Variants in FRAS1 observed in about 807,000 individuals in gnomAD.
FRAS1 encodes the protein Fraser extracellular matrix complex subunit 1, also known as extracellular matrix organizing protein FRAS1.
A neutral mutation model predicts 435.2 loss-of-function variants in FRAS1; 290 were observed. The observed-to-expected ratio is 0.67, with a 90% CI of 0.61 to 0.73. The LOEUF (loss-of-function observed/expected upper bound fraction) is 0.73, where lower values mean the gene tolerates loss of function less well. FRAS1 is among the 30% of genes least tolerant of loss of function. The probability of loss-of-function intolerance (pLI) is 0.00; values close to 1 mark genes in which losing one functional copy is unlikely to be tolerated. For missense variants in FRAS1, 4,860 were observed against 5,001.5 expected (o/e 0.97, Z 0.85); for synonymous variants, 1,800 against 1,851.0 (o/e 0.97, Z 0.71).
chr4:78,270,904 T>A (rs1192765594), intron 9 of FRAS1, among the ~76,000 whole-genome samples: 2 of 152,170 alleles, frequency 1.3e-5, no homozygotes, highest in Non-Finnish European at 2.9e-5. Flanking sequence ...GAAATTTTGA[T>A]GGACAGTAAT....
At chr4:78,206,252 T>G (rs1186460690) in intron 2 of FRAS1, among the ~76,000 whole-genome samples, 1 of 151,744 alleles carries the variant, frequency 6.6e-6, no homozygotes, top group Non-Finnish European at 1.5e-5. Context: ...GAAGATGATG[T>G]GATGATAGAG....
chr4:78,268,523 C>T (rs1315287140), intron 9 of FRAS1, among the ~76,000 whole-genome samples: 1 of 152,208 alleles, frequency 6.6e-6, no homozygotes, highest in Non-Finnish European at 1.5e-5. Context: ...CTCTGTCGGG[C>T]TGAGGCTGGG....
intron 18 of FRAS1, among the ~76,000 whole-genome samples, chr4:78,322,984 G>C (rs932605725): frequency 2.0e-5 from 3 of 152,202 alleles, no homozygotes; most frequent in African/African-American, 7.2e-5. Flanking sequence ...CATGGATGCT[G>C]GTCTGTGCCC....
At chr4:78,220,253 A>T (rs974963190) in intron 2 of FRAS1, among the ~76,000 whole-genome samples, 1 of 152,240 alleles carries the variant, frequency 6.6e-6, no homozygotes, top group African/African-American at 2.4e-5. Flanking sequence ...GGCCAAATTC[A>T]GTCTATGGCT....
At chr4:78,460,846 G>A (rs1476901287) in intron 47 of FRAS1, among the ~76,000 whole-genome samples, 1 of 152,180 alleles carries the variant, frequency 6.6e-6, no homozygotes, top group Non-Finnish European at 1.5e-5. Flanking sequence ...GTCTGTAGTT[G>A]ACCAAAACTG....
At chr4:78,307,060 T>C (rs1199315155) in intron 14 of FRAS1, among the ~76,000 whole-genome samples, 2 of 152,240 alleles carry the variant, frequency 1.3e-5, no homozygotes, top group African/African-American at 4.8e-5. Context: ...ATGTCCTTTC[T>C]GTTTGTTAGT....
rs11941299 is a variant in FRAS1, at chr4:78,489,322, A to G, written c.8958+242A>G. ...GTTGACTGAAAGCCTTACCAATAACATAAGTAGTTGATTATCACATATTTT... is the reference window on the plus strand; with the variant it reads ...GTTGACTGAAAGCCTTACCAATAACGTAAGTAGTTGATTATCACATATTTT... On this transcript the variant is annotated intron_variant, in intron 59 of 73. Transcript: ENST00000512123. Among the ~76,000 whole-genome samples, 33,431 of 152,160 alleles carry G rather than the reference A, an allele frequency of 0.22. 4,206 individuals are homozygous for G. Among genetic ancestry groups the G allele is most frequent in the African/African-American group, 0.33 (13,569 of 41,490 alleles).
At chr4:78,342,134 A>C (rs73827983) in intron 20 of FRAS1, among the ~76,000 whole-genome samples, 1 of 152,184 alleles carries the variant, frequency 6.6e-6, no homozygotes, top group Admixed American at 6.5e-5. Context: ...GTCCTAGCTC[A>C]TGGGAAGTCC....
Position 78,440,365 on chromosome 4 carries a change from C to T in FRAS1, c.5530-797C>T, listed in dbSNP as rs147870468. 8.9e-3 allele frequency among the ~76,000 whole-genome samples: 1,359 copies of T among 152,270 alleles called. 7 individuals are homozygous for T. The highest frequency in any genetic ancestry group is 0.012 in the Non-Finnish European group (798 of 68,014). On this transcript the variant is annotated intron_variant, in intron 40 of 73. Transcript: ENST00000512123. Reference sequence around the variant, plus strand: ...TCATTTCTAAGTGGTTCTGATATTCCTCCCATTTTTCCATTTTTACATAAA... The same window carrying T: ...TCATTTCTAAGTGGTTCTGATATTCTTCCCATTTTTCCATTTTTACATAAA...
chr4:78,296,393 G>C (rs17003108), intron 14 of FRAS1, among the ~76,000 whole-genome samples: 2,823 of 152,106 alleles, frequency 0.019, 57 homozygotes, highest in African/African-American at 0.051. Context: ...TCTGGGAAGG[G>C]ACAGAAGATT....
Position 78,127,859 on chromosome 4 carries a change from G to A in FRAS1, c.108+61843G>A, listed in dbSNP as rs567771594. 6.3e-3 allele frequency among the ~76,000 whole-genome samples: 950 copies of A among 151,248 alleles called. 12 individuals carry two copies. The highest frequency in any genetic ancestry group is 0.022 in the African/African-American group (901 of 41,132). ...GTTGGTGTGCTGCACCCAATAACTCGTCATTTAGCATTAGGTATATCTCCT... is the reference window on the plus strand; with the variant it reads ...GTTGGTGTGCTGCACCCAATAACTCATCATTTAGCATTAGGTATATCTCCT... On this transcript the variant is annotated intron_variant, in intron 2 of 73. Transcript: ENST00000512123.
intron 2 of FRAS1, among the ~76,000 whole-genome samples, chr4:78,102,097 C>T (rs1364649325): frequency 2.0e-5 from 3 of 151,954 alleles, no homozygotes; most frequent in African/African-American, 7.3e-5. Flanking sequence ...ACCAATTGTA[C>T]TTTGATCACG....
At chr4:78,387,254 G>A (rs1022404812) in intron 28 of FRAS1, 121 bp from the exon 29 acceptor site, 1 of 705,116 alleles carries the variant, frequency 1.4e-6, no homozygotes, top group Non-Finnish European at 2.4e-6. Context: ...AGAACAGTTT[G>A]GTGCTTTGCT....
At chr4:78,119,777 T>A (rs116585463) in intron 2 of FRAS1, among the ~76,000 whole-genome samples, 2,278 of 152,318 alleles carry the variant, frequency 0.015, 21 homozygotes, top group Non-Finnish European at 0.023. Context: ...AGTTTTACTT[T>A]TAACAAGTGT....
intron 2 of FRAS1, among the ~76,000 whole-genome samples, chr4:78,077,882 C>T (rs1273379466): frequency 6.8e-6 from 1 of 147,622 alleles, no homozygotes; most frequent in Non-Finnish European, 1.5e-5. Context: ...ATTTATTATA[C>T]TGAAAGCAAT....
At chr4:78,343,438 C>CCT (rs1327513942) in intron 20 of FRAS1, among the ~76,000 whole-genome samples, 11 of 104,750 alleles carry the variant, frequency 1.1e-4, no homozygotes, top group East Asian at 2.2e-4. Flanking sequence ...TCCCTCCCTC[C>CCT]CTCTCTCTCT....
At chr4:78,301,298 A>T (rs562240474) in intron 14 of FRAS1, among the ~76,000 whole-genome samples, 6 of 152,310 alleles carry the variant, frequency 3.9e-5, no homozygotes, top group African/African-American at 1.4e-4. Context: ...CCATACAGCT[A>T]GCCAAATTCG....
chr4:78,509,475 C>CTTTTTTTTTTTTTTTT (rs1560418759), intron 63 of FRAS1, among the ~76,000 whole-genome samples: 2 of 152,188 alleles, frequency 1.3e-5, no homozygotes, highest in African/African-American at 4.8e-5. Context: ...TACCACATTT[C>CTTTTTTTTTTTTTTTT]TGTAATGCAG....
chr4:78,461,318 G>T (rs1163292158), intron 47 of FRAS1, among the ~76,000 whole-genome samples: 1 of 152,104 alleles, frequency 6.6e-6, no homozygotes. Context: ...GAGGTTTCTT[G>T]TCTAGATAAG....
Sources: allele counts gnomAD v4.1 joint callset (sites outside exome capture counted in the v4.1 genomes callset), GRCh38; gene constraint gnomAD v4.1.1; transcripts MANE v1.5; gene names NCBI Gene and HGNC (gene_info 2026-07-23, HGNC 2026-07-21).